Variants in NOM1 observed in about 807,000 individuals in gnomAD.
NOM1 encodes the protein nucleolar protein with MIF4G domain 1.
In NOM1, 58 loss-of-function variants were observed where a neutral mutation model predicts 73.3. The ratio of observed to expected loss-of-function variants is 0.79; its 90% CI spans 0.64 to 0.99. The LOEUF (loss-of-function observed/expected upper bound fraction) is 0.99. Among genes scored for constraint, NOM1 ranks in the 50% least tolerant of loss-of-function variants. NOM1 has a pLI of 0.00. For missense variants in NOM1, 1,226 were observed against 1,131.9 expected (o/e 1.08, Z -1.19); for synonymous variants, 487 against 446.8 (o/e 1.09, Z -1.14).
At chr7:156,969,342 G>C (rs1805082959) in intron 10 of NOM1, 146 bp downstream of exon 10, 3 of 719,956 alleles carry the variant, frequency 4.2e-6, no homozygotes, top group Non-Finnish European at 6.9e-6. Context: ...ATTAGATCTG[G>C]GGAATAGAAA....
Position 156,950,136 on chromosome 7 carries a change from C to T in NOM1, c.399C>T (p.Ala133=). The stretch of plus-strand genomic sequence containing the variant: ...ACACGGAGGAGCGCGCCCGCCCAGC[C>T]CCTAGTCGGGACCCCTCGCCTCCCA... ...RQDTEERARP[A]PSRDPSPPRK... Residue 133 remains alanine (A), a synonymous_variant, in exon 1 of 11, where the codon GCC becomes GCT. Coordinates refer to ENST00000275820, the MANE Select transcript of NOM1 (RefSeq NM_138400.2). 9.5e-6 allele frequency: 15 copies of T among 1,572,374 alleles called. No homozygotes were observed. The highest frequency in any genetic ancestry group is 1.3e-5 in the Non-Finnish European group (15 of 1,162,692).
rs541356476 is a variant in NOM1, at chr7:156,952,881, C to G, written c.1112+283C>G. On this transcript the variant is annotated intron_variant, in intron 2 of 10. Coordinates refer to ENST00000275820, the MANE Select transcript of NOM1 (RefSeq NM_138400.2). ...AAAGGGGCAGAGGTTCTTTGTCCGT[C>G]TAAGGACAGTGTTGGAAGGACTGGC... 2.3e-3 allele frequency among the ~76,000 whole-genome samples: 343 copies of G among 152,344 alleles called. No homozygotes were observed. The highest frequency in any genetic ancestry group is 4.1e-3 in the Non-Finnish European group (282 of 68,042).
intron 5 of NOM1, among the ~76,000 whole-genome samples, chr7:156,962,525 T>C (rs758988846): frequency 6.6e-6 from 1 of 152,216 alleles, no homozygotes; most frequent in Non-Finnish European, 1.5e-5. Context: ...AAACTTGGGC[T>C]GCACCATTGG....
At chr7:156,967,289 C>T (rs1805022003) in intron 9 of NOM1, among the ~76,000 whole-genome samples, 197 bp downstream of exon 9, 1 of 152,188 alleles carries the variant, frequency 6.6e-6, no homozygotes, top group Non-Finnish European at 1.5e-5. Context: ...AATGAAGGCA[C>T]CGCTGCAGTT....
At chr7:156,958,199 T>G (rs1230936479) in intron 3 of NOM1, among the ~76,000 whole-genome samples, 1 of 152,192 alleles carries the variant, frequency 6.6e-6, no homozygotes, top group Non-Finnish European at 1.5e-5. Context: ...TAGATCTCCA[T>G]CCAGTCCTGT....
At chr7:156,953,994 TA>T in intron 2 of NOM1, 108 bp from the exon 3 acceptor site, 1 of 876,368 alleles carries the variant, frequency 1.1e-6, no homozygotes, top group Non-Finnish European at 1.8e-6. Context: ...AAAGTGTACA[TA>T]AAAATAGAAT....
chr7:156,951,355 C>A (rs957118305), intron 1 of NOM1, among the ~76,000 whole-genome samples: 2 of 152,078 alleles, frequency 1.3e-5, no homozygotes, highest in African/African-American at 4.8e-5. Flanking sequence ...CTACTGCACT[C>A]TAGCCTGGGC....
rs375419106 is a variant in NOM1, at chr7:156,961,831, G to A, written c.1633-320G>A. On this transcript the variant is annotated intron_variant, in intron 4 of 10. Transcript: ENST00000275820. The stretch of plus-strand genomic sequence containing the variant: ...GGGGGGCCAGGGTGGGAGCAGGAGC[G>A]TAGTAGAGGCCGGGGTGGCCGAGTA... Among the ~76,000 whole-genome samples, 12 of 152,252 alleles carry A rather than the reference G, an allele frequency of 7.9e-5. No individual in the cohort carries two copies. In the East Asian group the frequency reaches 2.3e-3, roughly 29 times the overall value.
chr7:156,963,265 G>C (rs777795377), intron 6 of NOM1, 90 bp downstream of exon 6: 2 of 1,341,356 alleles, frequency 1.5e-6, no homozygotes, highest in East Asian at 4.7e-5. Context: ...CTCTCTTACT[G>C]TTCTTGAATG....
At chr7:156,958,140 A>G (rs1315495170) in intron 3 of NOM1, among the ~76,000 whole-genome samples, 1 of 147,722 alleles carries the variant, frequency 6.8e-6, no homozygotes, top group Non-Finnish European at 1.5e-5. Context: ...CATACACTCA[A>G]GACTGTCTGG....
chr7:156,953,713 G>A (rs931379954), intron 2 of NOM1, among the ~76,000 whole-genome samples: 3 of 152,190 alleles, frequency 2.0e-5, no homozygotes, highest in Admixed American at 1.3e-4. Context: ...AGGAACTAAG[G>A]ATTTTTGTGC....
chr7:156,967,079 T>A lies in NOM1; in HGVS notation c.2285T>A (p.Leu762His). 6.2e-7 allele frequency: 1 copy of A among 1,613,186 alleles called. No individual in the cohort carries two copies. The highest frequency in any genetic ancestry group is 8.5e-7 in the Non-Finnish European group (1 of 1,179,794). Residue 762 changes from leucine to histidine, a missense_variant, in exon 9 of 11, where the codon CTT becomes CAT. Physicochemically the swap from Leu to His is moderately conservative, Grantham distance 99. Coordinates refer to ENST00000275820, the MANE Select transcript of NOM1 (RefSeq NM_138400.2). Reference protein sequence around the residue: ...AHLLKTKSLSLSILKVVEFSE... With the variant: ...AHLLKTKSLSHSILKVVEFSE... ...TTGTTGAAGACAAAATCGCTTTCCC[T>A]TTCCATCTTAAAGGTTCGTGTAACG...
rs754964316 is a variant in NOM1 at position 156,954,124 on chromosome 7, T to C, written c.1134T>C (p.Ala378=). The change falls in exon 3 of 11, where the codon GCT becomes GCC. Residue 378 remains alanine, a synonymous_variant. Coordinates refer to ENST00000275820, the MANE Select transcript of NOM1 (RefSeq NM_138400.2). ...LLNRLSEPNM[A]SISGQLEELY... ...GCAGGTTGAGTGAACCCAACATGGCTTCCATCAGTGGGCAGCTGGAGGAAC... is the reference window on the plus strand; with the variant it reads ...GCAGGTTGAGTGAACCCAACATGGCCTCCATCAGTGGGCAGCTGGAGGAAC... 2 of 1,611,788 alleles carry C rather than the reference T, an allele frequency of 1.2e-6. No individual in the cohort carries two copies. The highest frequency in any genetic ancestry group is 2.2e-5 in the South Asian group (2 of 90,450).
intron 7 of NOM1, among the ~76,000 whole-genome samples, chr7:156,964,743 A>G (rs1804953687): frequency 6.6e-6 from 1 of 152,168 alleles, no homozygotes; most frequent in Admixed American, 6.5e-5. Flanking sequence ...TTTATTTTCT[A>G]AACTAGAGTT....
At chr7:156,968,441 C>T (rs1168663785) in intron 9 of NOM1, among the ~76,000 whole-genome samples, 2 of 152,040 alleles carry the variant, frequency 1.3e-5, no homozygotes, top group Non-Finnish European at 1.5e-5. Flanking sequence ...TGTTTGGCTG[C>T]GCACCTCCCT....
intron 4 of NOM1, among the ~76,000 whole-genome samples, chr7:156,960,784 G>A (rs1046304707): frequency 3.9e-5 from 6 of 152,168 alleles, no homozygotes; most frequent in African/African-American, 1.2e-4. Flanking sequence ...CCTTCTGATG[G>A]TCACTTTGAC....
In NOM1 at chr7:156,970,442, T is replaced by C. The variant is rs1299445705; in HGVS notation, c.*739T>C. 1 of 152,246 alleles carries C rather than the reference T, an allele frequency of 6.6e-6. No homozygotes were observed. The highest frequency in any genetic ancestry group is 1.5e-5 in the Non-Finnish European group (1 of 68,070). The allele number at this position is 152,246 out of a possible 1,614,324, so 9.4% of individuals were successfully genotyped here. On this transcript the variant is annotated 3_prime_UTR_variant, in exon 11 of 11. Coordinates refer to ENST00000275820, the MANE Select transcript of NOM1 (RefSeq NM_138400.2). Reference sequence around the variant, plus strand: ...GTTTTTTTGAGACAGAGTCTTGCTCTGTCACCCAGAGTGGAGTGCAGTGTC... The same window carrying C: ...GTTTTTTTGAGACAGAGTCTTGCTCCGTCACCCAGAGTGGAGTGCAGTGTC...
chr7:156,969,707 G>A lies in NOM1; in HGVS notation c.*4G>A, dbSNP rs780062169. 2.3e-5 allele frequency: 37 copies of A among 1,600,196 alleles called. No individual in the cohort carries two copies. The highest frequency in any genetic ancestry group is 2.0e-5 in the Non-Finnish European group (23 of 1,171,586). On this transcript the variant is annotated 3_prime_UTR_variant, in exon 11 of 11. Transcript: ENST00000275820. ...AAAAGCTTCCCTGAGAATGTAGTCA[G>A]GGAAGGAAGGAGGGCAGGTGGCCCT...
At position 156,963,052 on chromosome 7, in the gene NOM1, C is replaced by G; in HGVS notation, c.1788C>G (p.Ser596=). 1 of 1,614,206 alleles carries G rather than the reference C, an allele frequency of 6.2e-7. No individual in the cohort carries two copies. The highest frequency in any genetic ancestry group is 8.5e-7 in the Non-Finnish European group (1 of 1,180,008). The part of the protein sequence containing the change: ...GSGSETQLRV[S]WDSVLSAEQT... ...GTTCTGAGACGCAGCTTCGCGTCTC[C>G]TGGGACAGTGTCTTGAGTGCGGAGC... The change falls in exon 6 of 11, where the codon TCC becomes TCG. Residue 596 remains serine (S), a synonymous_variant. Coordinates refer to ENST00000275820, the MANE Select transcript of NOM1 (RefSeq NM_138400.2).
Sources: allele counts gnomAD v4.1 joint callset (sites outside exome capture counted in the v4.1 genomes callset), GRCh38; gene constraint gnomAD v4.1.1; transcripts MANE v1.5; gene names NCBI Gene and HGNC (gene_info 2026-07-23, HGNC 2026-07-21).